The following SYNE1 variants were observed in gnomAD, a reference collection of about 807,000 sequenced individuals.
SYNE1 encodes nesprin-1.
A neutral mutation model predicts 1,111.0 loss-of-function variants in SYNE1; 616 were observed. The observed-to-expected ratio is 0.55, with a 90% CI of 0.52 to 0.59. The LOEUF (loss-of-function observed/expected upper bound fraction) is 0.59. Ranked by LOEUF, SYNE1 falls within the 20% of genes least tolerant of loss-of-function variation. The probability of loss-of-function intolerance (pLI) is 0.00; values close to 1 mark genes in which losing one functional copy is unlikely to be tolerated. For missense variants in SYNE1, 10,006 were observed against 10,417.0 expected, an observed-to-expected ratio of 0.96 and a Z score of 1.72; for synonymous variants, 3,855 against 3,825.8, an observed-to-expected ratio of 1.01 and a Z score of -0.28.
At chr6:152,333,611 C>T (rs2096302166) in intron 77 of SYNE1, among the ~76,000 whole-genome samples, 1 of 151,920 alleles carries the variant, frequency 6.6e-6, no homozygotes, top group East Asian at 1.9e-4. Context: ...TAATAATAAA[C>T]AATAGATGTT....
chr6:152,238,217 A>C (rs562219943), intron 108 of SYNE1, among the ~76,000 whole-genome samples: 1 of 152,330 alleles, frequency 6.6e-6, no homozygotes, highest in South Asian at 2.1e-4. Flanking sequence ...AAATGGTGTC[A>C]TCAGGTAAGT....
intron 130 of SYNE1, among the ~76,000 whole-genome samples, chr6:152,165,378 A>G (rs2063444299): frequency 6.6e-6 from 1 of 152,186 alleles, no homozygotes; most frequent in Non-Finnish European, 1.5e-5. Context: ...TGACAACATG[A>G]TCGCTTTTCC....
At chr6:152,598,021 G>C (rs192702556) in intron 3 of SYNE1, among the ~76,000 whole-genome samples, 3 of 152,030 alleles carry the variant, frequency 2.0e-5, no homozygotes, top group African/African-American at 7.3e-5. Flanking sequence ...ACATTTAAAC[G>C]AGGTAAGAAA....
At chr6:152,514,548 C>A (rs897543597) in intron 6 of SYNE1, among the ~76,000 whole-genome samples, 1 of 151,372 alleles carries the variant, frequency 6.6e-6, no homozygotes, top group Non-Finnish European at 1.5e-5. Flanking sequence ...GTGGGTGCAG[C>A]AAACCACCAT....
In SYNE1 at chr6:152,268,388, T is replaced by TAAA. The variant is rs11427099; in HGVS notation, c.18706-226_18706-224dup. On this transcript the variant is annotated intron_variant, in intron 99 of 145. Transcript: ENST00000367255. ...GGATACCTCTGAAAAATCTGGGGGT[T>TAAA]AAAAAAAAAAAAAAAACCACCAATG... is the stretch of plus-strand genomic sequence containing the variant. Among the ~76,000 whole-genome samples, 3,252 of 142,202 alleles carry TAAA rather than the reference T, an allele frequency of 0.023. 96 individuals are homozygous for TAAA. Among genetic ancestry groups the TAAA allele is most frequent in the African/African-American group, 0.08 (3,123 of 38,810 alleles). The allele number at this position is 142,202 out of a possible 152,430, so 93.3% of individuals were successfully genotyped here.
At chr6:152,343,315 T>C (rs1228754395) in intron 74 of SYNE1, among the ~76,000 whole-genome samples, 1 of 151,178 alleles carries the variant, frequency 6.6e-6, no homozygotes, top group Non-Finnish European at 1.5e-5. Context: ...CCTGCCACCA[T>C]GCCCAGCTAA....
At chr6:152,586,173 C>CT (rs1339485958) in intron 3 of SYNE1, among the ~76,000 whole-genome samples, 2 of 152,140 alleles carry the variant, frequency 1.3e-5, no homozygotes, top group African/African-American at 4.8e-5. Context: ...CTTTTGTAGA[C>CT]TTTTTTCTAT....
intron 100 of SYNE1, 62 bp downstream of exon 100, chr6:152,267,994 T>C: frequency 7.0e-7 from 1 of 1,437,962 alleles, no homozygotes; most frequent in Non-Finnish European, 9.8e-7. Context: ...GTGAGATGTT[T>C]ACTTTTCTTC....
At chr6:152,202,694 T>C (rs1315894607) in intron 126 of SYNE1, among the ~76,000 whole-genome samples, 4 of 152,056 alleles carry the variant, frequency 2.6e-5, no homozygotes, top group Admixed American at 2.6e-4. Flanking sequence ...AGGACTATAA[T>C]CTCAGTACCT....
intron 129 of SYNE1, among the ~76,000 whole-genome samples, chr6:152,177,251 A>T (rs2066691110): frequency 6.6e-6 from 1 of 152,038 alleles, no homozygotes; most frequent in South Asian, 2.1e-4. Flanking sequence ...AAGAGGACAG[A>T]CTCCATATGG....
chr6:152,167,276 TTATA>T lies in SYNE1; in HGVS notation c.23628-2955_23628-2952del, dbSNP rs572695980. ...TATATACGTACTTACACATATATGCTTATATATCTATATATATTGTATCTATATT... is the reference window on the plus strand; with the variant it reads ...TATATACGTACTTACACATATATGCTTATCTATATATATTGTATCTATATT... On this transcript the variant is annotated intron_variant, in intron 130 of 145. Coordinates refer to ENST00000367255, the MANE Select transcript of SYNE1 (RefSeq NM_182961.4). Among the ~76,000 whole-genome samples the T allele has an allele frequency of 7.2e-5, 11 of 152,314 alleles. 1 individual carries two copies. The South Asian group carries it at 2.3e-3, about 32-fold the overall frequency.
intron 3 of SYNE1, among the ~76,000 whole-genome samples, chr6:152,553,539 A>G (rs1204997878): frequency 6.6e-6 from 1 of 152,090 alleles, no homozygotes; most frequent in Non-Finnish European, 1.5e-5. Flanking sequence ...CGAGCTACAA[A>G]CTATAAAGAG....
At position 152,502,619 on chromosome 6, in the gene SYNE1, A is replaced by G; in HGVS notation, c.888+14T>C. The G allele has an allele frequency of 2.5e-6, 4 of 1,597,956 alleles. No individual in the cohort carries two copies. The highest frequency in any genetic ancestry group is 3.4e-6 in the Non-Finnish European group (4 of 1,165,392). ...TGCATATACCAGTGATACTTGAAGA[A>G]AGCAAATACCTACATCATCCTCTTG... On this transcript the variant is annotated intron_variant, in intron 10 of 145. Coordinates refer to ENST00000367255, the MANE Select transcript of SYNE1 (RefSeq NM_182961.4).
At position 152,152,080 on chromosome 6, in the gene SYNE1, C is replaced by A; in HGVS notation, c.24191G>T (p.Arg8064Leu). 1.2e-6 allele frequency: 2 copies of A among 1,614,126 alleles called. No homozygotes were observed. The highest frequency in any genetic ancestry group is 1.7e-6 in the Non-Finnish European group (2 of 1,180,022). Residue 8064 changes from arginine (R) to leucine (L), a missense_variant, in exon 134 of 146, where the codon CGC (arginine) becomes CTC (leucine). By Grantham distance (102) the Arg-to-Leu change is moderately radical (BLOSUM62 -2). Coordinates refer to ENST00000367255, the MANE Select transcript of SYNE1 (RefSeq NM_182961.4). ...TQLELINKQY[R>L]RLARENRTDS... ...AGTGCGGTTCTCCCTGGCCAGGCGG[C>A]GGTACTGCTTGTTGATCAGTTCCAG...
chr6:152,235,267 A>C (rs2083734694), intron 110 of SYNE1, among the ~76,000 whole-genome samples: 1 of 152,194 alleles, frequency 6.6e-6, no homozygotes, highest in Non-Finnish European at 1.5e-5. Context: ...AGGGAGGGTG[A>C]AACTCAAAGG....
chr6:152,343,770 G>A (rs562926943), intron 74 of SYNE1, among the ~76,000 whole-genome samples: 1 of 152,072 alleles, frequency 6.6e-6, no homozygotes, highest in East Asian at 2.0e-4. Context: ...GTTTCACCAT[G>A]TTGGCCAGGC....
intron 138 of SYNE1, 148 bp downstream of exon 138, chr6:152,143,475 G>C (rs2058881244): frequency 8.7e-7 from 1 of 1,155,854 alleles, no homozygotes; most frequent in Non-Finnish European, 1.3e-6. Context: ...TTAATAACAG[G>C]GCTTGGCTTT....
intron 93 of SYNE1, among the ~76,000 whole-genome samples, chr6:152,294,894 T>C (rs2094794644): frequency 6.6e-6 from 1 of 152,232 alleles, no homozygotes; most frequent in African/African-American, 2.4e-5. Flanking sequence ...TGGTTATTTA[T>C]CTGTATTTCA....
intron 63 of SYNE1, among the ~76,000 whole-genome samples, chr6:152,364,444 A>G (rs1307689276): frequency 1.7e-5 from 2 of 120,602 alleles, no homozygotes; most frequent in Non-Finnish European, 3.4e-5. Context: ...ATATTTTTAC[A>G]TTATGAATCT....
Sources: allele counts gnomAD v4.1 joint callset (sites outside exome capture counted in the v4.1 genomes callset), GRCh38; gene constraint gnomAD v4.1.1; transcripts MANE v1.5; gene names NCBI Gene and HGNC (gene_info 2026-07-23, HGNC 2026-07-21).